HS6ST3: variants seen among roughly 807,000 people sequenced by gnomAD.
HS6ST3 encodes heparan sulfate 6-O-sulfotransferase 3.
HS6ST3 carries 12 observed loss-of-function variants against 36.7 expected under a neutral mutation model. The observed-to-expected ratio is 0.33, with a 90% confidence interval of 0.21 to 0.53. The LOEUF (loss-of-function observed/expected upper bound fraction) is 0.53. Among genes scored for constraint, HS6ST3 ranks in the 20% least tolerant of loss-of-function variants. The probability of loss-of-function intolerance (pLI) is 0.95; values close to 1 mark genes in which losing one functional copy is unlikely to be tolerated. For missense variants in HS6ST3, 584 were observed against 640.9 expected (o/e 0.91, Z 0.96); for synonymous variants, 240 against 257.5 (o/e 0.93, Z 0.65).
intron 1 of HS6ST3, among the ~76,000 whole-genome samples, chr13:96,350,327 G>A (rs768090506): frequency 6.6e-6 from 1 of 152,178 alleles, no homozygotes; most frequent in African/African-American, 2.4e-5. Context: ...ACATGTTATC[G>A]TCATGGTCTG....
intron 1 of HS6ST3, among the ~76,000 whole-genome samples, chr13:96,571,165 A>G (rs2056299712): frequency 6.6e-6 from 1 of 152,210 alleles, no homozygotes; most frequent in Admixed American, 6.5e-5. Flanking sequence ...TATTCACAGC[A>G]TGATTTATAG....
chr13:96,623,126 C>T (rs935612191), intron 1 of HS6ST3, among the ~76,000 whole-genome samples: 1 of 152,086 alleles, frequency 6.6e-6, no homozygotes, highest in African/African-American at 2.4e-5. Context: ...AATTTTGCAT[C>T]ATAAACTTAT....
chr13:96,755,553 C>T (rs1370619097), intron 1 of HS6ST3, among the ~76,000 whole-genome samples: 1 of 151,952 alleles, frequency 6.6e-6, no homozygotes, highest in East Asian at 1.9e-4. Flanking sequence ...TTAGTAGAGA[C>T]AGGGTTTCAC....
At chr13:96,699,874 A>G (rs1875239089) in intron 1 of HS6ST3, among the ~76,000 whole-genome samples, 1 of 152,232 alleles carries the variant, frequency 6.6e-6, no homozygotes, top group African/African-American at 2.4e-5. Flanking sequence ...AAAGTGTGAT[A>G]TGCAGAAGCA....
Position 96,706,437 on chromosome 13 carries a change from ATAT to A in HS6ST3, c.708-126052_708-126050del, listed in dbSNP as rs1275220402. Among the ~76,000 whole-genome samples, 1,344 of 145,290 alleles carry A rather than the reference ATAT, an allele frequency of 9.3e-3. 30 individuals are homozygous for A. The highest frequency in any genetic ancestry group is 0.032 in the African/African-American group (1,239 of 39,202). On this transcript the variant is annotated intron_variant, in intron 1 of 1. Transcript: ENST00000376705. The stretch of plus-strand genomic sequence containing the variant: ...TTTATATATATATATATATATATAT[ATAT>A]AATCAGGGAAAGTAGCGTTTGGTTT...
rs969533600 is a variant in HS6ST3 at position 96,837,278 on chromosome 13, G to C, written c.*4080G>C. On this transcript the variant is annotated 3_prime_UTR_variant, in exon 2 of 2. Transcript: ENST00000376705. ...AGATAAGACTAAAATTCATCACTTT[G>C]TGTAGCATTTAATGGTTTTCAGAAC... is the stretch of plus-strand genomic sequence containing the variant. 2 of 152,200 alleles carry C rather than the reference G, an allele frequency of 1.3e-5. No individual in the cohort carries two copies. Among genetic ancestry groups the C allele is most frequent in the African/African-American group, 4.8e-5 (2 of 41,450 alleles). The allele number at this position is 152,200 out of a possible 1,614,324, so 9.4% of individuals were successfully genotyped here.
chr13:96,571,556 T>G (rs2056301167), intron 1 of HS6ST3, among the ~76,000 whole-genome samples: 1 of 152,236 alleles, frequency 6.6e-6, no homozygotes, highest in South Asian at 2.1e-4. Flanking sequence ...CATGCATATG[T>G]TTCTCTGTAT....
intron 1 of HS6ST3, among the ~76,000 whole-genome samples, chr13:96,299,080 T>A (rs2054869105): frequency 6.6e-6 from 1 of 152,216 alleles, no homozygotes; most frequent in South Asian, 2.1e-4. Context: ...ACTGTTTCTT[T>A]GGGCTATTTC....
chr13:96,674,534 G>C (rs2056692752), intron 1 of HS6ST3, among the ~76,000 whole-genome samples: 1 of 151,982 alleles, frequency 6.6e-6, no homozygotes, highest in South Asian at 2.1e-4. Context: ...TGGGAACAGG[G>C]GGAAGTTAAG....
intron 1 of HS6ST3, among the ~76,000 whole-genome samples, chr13:96,434,755 CAACTA>C (rs1465745955): frequency 2.0e-5 from 3 of 152,072 alleles, no homozygotes; most frequent in African/African-American, 7.2e-5. Flanking sequence ...GCTTTTATGA[CAACTA>C]AACATTCTTT....
At chr13:96,206,162 C>T (rs1466540559) in intron 1 of HS6ST3, among the ~76,000 whole-genome samples, 1 of 151,954 alleles carries the variant, frequency 6.6e-6, no homozygotes, top group Non-Finnish European at 1.5e-5. Flanking sequence ...ATTCCTAACA[C>T]CAACAACAGG....
intron 1 of HS6ST3, among the ~76,000 whole-genome samples, chr13:96,619,272 G>T (rs117758268): frequency 1.7e-4 from 26 of 152,252 alleles, no homozygotes; most frequent in Admixed American, 5.9e-4. Flanking sequence ...TTGGTCATTG[G>T]ATTGAAAACG....
intron 1 of HS6ST3, among the ~76,000 whole-genome samples, chr13:96,593,761 TC>T (rs2056391932): frequency 6.6e-6 from 1 of 152,050 alleles, no homozygotes; most frequent in South Asian, 2.1e-4. Flanking sequence ...CTGAATTGAC[TC>T]CTTTATCAGT....
intron 1 of HS6ST3, among the ~76,000 whole-genome samples, chr13:96,321,303 T>C (rs562404183): frequency 2.0e-5 from 3 of 152,294 alleles, no homozygotes; most frequent in Non-Finnish European, 2.9e-5. Context: ...TCCTTGAAGA[T>C]TGTCTCACTT....
intron 1 of HS6ST3, among the ~76,000 whole-genome samples, chr13:96,503,048 A>AT (rs2056011704): frequency 6.6e-6 from 1 of 152,200 alleles, no homozygotes. Context: ...CTCACTAAAA[A>AT]GAGTTTTTCT....
At chr13:96,576,455 C>T (rs990327009) in intron 1 of HS6ST3, among the ~76,000 whole-genome samples, 9 of 152,056 alleles carry the variant, frequency 5.9e-5, no homozygotes, top group Non-Finnish European at 1.3e-4. Context: ...AGCCACCCAC[C>T]TCCAATTTGA....
In HS6ST3 at chr13:96,133,071, G is replaced by T. The variant is rs140041827; in HGVS notation, c.707+41502G>T. Among the ~76,000 whole-genome samples, 703 of 151,890 alleles carry T rather than the reference G, an allele frequency of 4.6e-3. 5 individuals are homozygous for T. The highest frequency in any genetic ancestry group is 0.016 in the African/African-American group (680 of 41,424). On this transcript the variant is annotated intron_variant, in intron 1 of 1. Transcript: ENST00000376705. ...CTCAAATATTTTCTCCCATTCTGTGGATTGTCTCTTGACCTTATTGTTTCC... is the reference window on the plus strand; with the variant it reads ...CTCAAATATTTTCTCCCATTCTGTGTATTGTCTCTTGACCTTATTGTTTCC...
chr13:96,615,054 A>G lies in HS6ST3; in HGVS notation c.708-217436A>G, dbSNP rs567653784. Among the ~76,000 whole-genome samples the G allele has an allele frequency of 5.3e-5, 8 of 152,298 alleles. No individual in the cohort carries two copies. In the East Asian group the frequency reaches 9.6e-4, roughly 18 times the overall value. On this transcript the variant is annotated intron_variant, in intron 1 of 1. Transcript: ENST00000376705. ...TCTTGGCTTTTTTAAAGAAAATTTTATATAATAACTCATCTTAGGTTTTAT... is the reference window on the plus strand; with the variant it reads ...TCTTGGCTTTTTTAAAGAAAATTTTGTATAATAACTCATCTTAGGTTTTAT...
At chr13:96,674,435 C>CT (rs1480165541) in intron 1 of HS6ST3, among the ~76,000 whole-genome samples, 2 of 152,010 alleles carry the variant, frequency 1.3e-5, no homozygotes, top group African/African-American at 2.4e-5. Context: ...TTTCTCCAGT[C>CT]TTTTTTTGTT....
Sources: gnomAD v4.1 joint callset for allele counts (sites outside exome capture counted in the v4.1 genomes callset) on GRCh38, gnomAD v4.1.1 for gene constraint, MANE v1.5 for transcripts, NCBI Gene and HGNC (gene_info 2026-07-23, HGNC 2026-07-21) for gene names.